The following MRPL24 variants were observed in gnomAD, a reference collection of about 807,000 sequenced individuals.
MRPL24 encodes mitochondrial ribosomal protein L24.
MRPL24 carries 15 observed loss-of-function variants against 26.9 expected under a neutral mutation model. The ratio of observed to expected loss-of-function variants is 0.56; its 90% CI spans 0.37 to 0.86. MRPL24 has a LOEUF of 0.86. MRPL24 is among the 40% of genes least tolerant of loss of function. The pLI is 0.00. For synonymous variants in MRPL24, 92 were observed against 102.4 expected, an observed-to-expected ratio of 0.90 and a Z score of 0.62; for missense variants, 241 against 281.4, an observed-to-expected ratio of 0.86 and a Z score of 1.03.
chr1:156,737,334 AAAAG>A lies in MRPL24; in HGVS notation c.*60_*63del. ...TAAAGTGCTCTTTATTGGCATCTGAAAAAGAAGTGCCTCAGCCTTCAAGGCTGGG... is the reference window on the plus strand; with the variant it reads ...TAAAGTGCTCTTTATTGGCATCTGAAAAGTGCCTCAGCCTTCAAGGCTGGG... On this transcript the variant is annotated 3_prime_UTR_variant, in exon 6 of 6. Coordinates refer to ENST00000361531, the MANE Select transcript of MRPL24 (RefSeq NM_145729.3). 3 of 1,478,554 alleles carry A rather than the reference AAAAG, an allele frequency of 2.0e-6. No individual in the cohort carries two copies. Among genetic ancestry groups the A allele is most frequent in the Non-Finnish European group, 2.7e-6 (3 of 1,106,948 alleles). 91.6% of individuals were successfully genotyped at this position (1,478,554 alleles called of 1,614,324 possible). A position where few individuals can be genotyped will look rare whatever the true frequency, so the allele number is the denominator to read the frequency against.
At position 156,738,122 on chromosome 1, in the gene MRPL24, T is replaced by A. The variant is rs531196644; in HGVS notation, c.292A>T (p.Ile98Phe). The A allele has an allele frequency of 7.4e-6, 12 of 1,614,138 alleles. No homozygotes were observed. In the South Asian group the frequency reaches 1.2e-4, roughly 16 times the overall value. The change falls in exon 4 of 6, where the codon ATT (isoleucine) becomes TTT (phenylalanine). Residue 98 changes from isoleucine (I) to phenylalanine (F), a missense_variant. Ile to Phe is a conservative substitution (Grantham distance 21). Transcript: ENST00000361531. The stretch of plus-strand genomic sequence containing the variant: ...CCCCGGTAATCCATGGTCTTGCCAA[T>A]GTAGCGGTAATGCTGTCCAAGAGAG... ...VGGLNTHYRY[I>F]GKTMDYRGTM...
In MRPL24 at chr1:156,737,780, G is replaced by A. The variant is rs188285935; in HGVS notation, c.384-4C>T. On this transcript the variant is annotated splice_polypyrimidine_tract_variant and splice_region_variant and intron_variant, in intron 4 of 5. Coordinates refer to ENST00000361531, the MANE Select transcript of MRPL24 (RefSeq NM_145729.3). ...CCACTCGATCTCAGTGGGTTTCCTG[G>A]TGGATAGAAGAGGTGAGCCTGGCCT... is the stretch of plus-strand genomic sequence containing the variant. 14 of 1,614,062 alleles carry A rather than the reference G, an allele frequency of 8.7e-6. No homozygotes were observed. The African/African-American group carries it at 1.3e-4, about 15-fold the overall frequency.
rs1649918211 is a variant in MRPL24 at position 156,737,665 on chromosome 1, G to A, written c.495C>T (p.Ile165=). The change falls in exon 5 of 6, where the codon ATC becomes ATT. Residue 165 remains isoleucine (I), a synonymous_variant. Coordinates refer to ENST00000361531, the MANE Select transcript of MRPL24 (RefSeq NM_145729.3). ...TCTCACCAATCCACGTTTCAGGGACGATGCCATCAGCTCTGGGAAATTCGG... is the reference window on the plus strand; with the variant it reads ...TCTCACCAATCCACGTTTCAGGGACAATGCCATCAGCTCTGGGAAATTCGG... The part of the protein sequence containing the change: ...PKPEFPRADG[I]VPETWIDGPK... The A allele has an allele frequency of 5.0e-6, 8 of 1,614,136 alleles. No homozygotes were observed. The highest frequency in any genetic ancestry group is 2.2e-5 in the South Asian group (2 of 91,078).
upstream of MRPL24, among the ~76,000 whole-genome samples, chr1:156,741,874 A>T (rs955902631): frequency 9.2e-5 from 14 of 151,930 alleles, no homozygotes; most frequent in African/African-American, 3.1e-4. Flanking sequence ...ACCCTTTTTT[A>T]AAAAAAACTT....
At chr1:156,742,232 G>A (rs1360598124), upstream of MRPL24, 1 of 152,662 alleles carries the variant, frequency 6.6e-6, no homozygotes, top group Non-Finnish European at 1.5e-5. Context: ...GGGTAAAAGA[G>A]ACGAGACTGT....
At position 156,738,723 on chromosome 1, in the gene MRPL24, A is replaced by G. The variant is rs1388532986; in HGVS notation, c.-19T>C. 1.9e-6 allele frequency: 3 copies of G among 1,563,302 alleles called. No homozygotes were observed. In the Admixed American group the frequency reaches 6.5e-5, roughly 34 times the overall value. ...GACGCATGCCTGGAGGTTGTAAGAA[A>G]TCCCTTTGCCAGCAAAACGCTCGAA... On this transcript the variant is annotated 5_prime_UTR_variant, in exon 2 of 6. Coordinates refer to ENST00000361531, the MANE Select transcript of MRPL24 (RefSeq NM_145729.3).
rs745441371 is a variant in MRPL24, at chr1:156,738,642, A to G, written c.63T>C (p.Tyr21=). 3.1e-6 allele frequency: 5 copies of G among 1,607,964 alleles called. No individual in the cohort carries two copies. Among genetic ancestry groups the G allele is most frequent in the African/African-American group, 1.3e-5 (1 of 74,506 alleles). ...SKVTLPPHYR[Y]GMSPPGSVAD... ...CAACAGAGCCTGGGGGGCTCATCCC[A>G]TAGCGGTAATGGGGGGGCAGAGTGA... The change falls in exon 2 of 6, where the codon TAT becomes TAC. Residue 21 remains tyrosine (Y), a synonymous_variant. Transcript: ENST00000361531.
Position 156,737,643 on chromosome 1 carries a change from C to CA in MRPL24, c.514+2dup. 1.2e-6 allele frequency: 2 copies of CA among 1,614,170 alleles called. No individual in the cohort carries two copies. Among genetic ancestry groups the CA allele is most frequent in the Non-Finnish European group, 1.7e-6 (2 of 1,180,006 alleles). On this transcript the variant is annotated splice_region_variant and intron_variant, in intron 5 of 5. Coordinates refer to ENST00000361531, the MANE Select transcript of MRPL24 (RefSeq NM_145729.3). ...CCCTGACCTTCCTGCCCCTCACTCTCACCAATCCACGTTTCAGGGACGATG... is the reference window on the plus strand; with the variant it reads ...CCCTGACCTTCCTGCCCCTCACTCTCAACCAATCCACGTTTCAGGGACGATG...
intron 1 of MRPL24, among the ~76,000 whole-genome samples, chr1:156,740,736 C>T (rs1488801640): frequency 6.6e-6 from 1 of 152,164 alleles, no homozygotes; most frequent in African/African-American, 2.4e-5. Flanking sequence ...CCCCCGAGAT[C>T]CTTCCCTTCT....
rs371287956 is a variant in MRPL24, at chr1:156,738,716, G to T, written c.-12C>A. Reference sequence around the variant, plus strand: ...GCAGAAAGACGCATGCCTGGAGGTTGTAAGAAATCCCTTTGCCAGCAAAAC... The same window carrying T: ...GCAGAAAGACGCATGCCTGGAGGTTTTAAGAAATCCCTTTGCCAGCAAAAC... On this transcript the variant is annotated 5_prime_UTR_variant, in exon 2 of 6. Coordinates refer to ENST00000361531, the MANE Select transcript of MRPL24 (RefSeq NM_145729.3). 3.2e-6 allele frequency: 5 copies of T among 1,567,494 alleles called. No homozygotes were observed. In the African/African-American group the frequency reaches 6.9e-5, roughly 22 times the overall value.
chr1:156,738,233 G>C (rs1649950698), intron 3 of MRPL24, 99 bp from the exon 4 acceptor site: 1 of 1,526,382 alleles, frequency 6.6e-7, no homozygotes, highest in Non-Finnish European at 9.1e-7. Context: ...AGAAGGTTCA[G>C]TAATGCCGCC....
At chr1:156,737,824 C>T in intron 4 of MRPL24, 48 bp from the exon 5 acceptor site, 5 of 1,605,618 alleles carry the variant, frequency 3.1e-6, no homozygotes, top group South Asian at 1.1e-5. Context: ...GGCTTCCTGC[C>T]ACCCTCCAAC....
chr1:156,738,564 T>A lies in MRPL24; in HGVS notation c.141A>T (p.Glu47Asp), dbSNP rs775066915. ...PWIRRRPVVV[E>D]PISDEDWYLF... Reference sequence around the variant, plus strand: ...GATACCAGTCTTCATCAGAGATGGGTTCCACAACCACTGGGCGCCGCCTGA... The same window carrying A: ...GATACCAGTCTTCATCAGAGATGGGATCCACAACCACTGGGCGCCGCCTGA... The change falls in exon 2 of 6, where the codon GAA becomes GAT. Residue 47 changes from glutamate to aspartate, a missense_variant. Coordinates refer to ENST00000361531, the MANE Select transcript of MRPL24 (RefSeq NM_145729.3). 7 of 1,614,008 alleles carry A rather than the reference T, an allele frequency of 4.3e-6. No homozygotes were observed. The highest frequency in any genetic ancestry group is 5.9e-6 in the Non-Finnish European group (7 of 1,179,990).
In MRPL24 at chr1:156,738,415, A is replaced by G; in HGVS notation, c.207T>C (p.Asp69=). The change falls in exon 3 of 6, where the codon GAT becomes GAC. Residue 69 remains aspartate (D), a synonymous_variant. Coordinates refer to ENST00000361531, the MANE Select transcript of MRPL24 (RefSeq NM_145729.3). The stretch of plus-strand genomic sequence containing the variant: ...GAACCACTTTGCCCTGCTTCCCGGC[A>G]TCCTTGCCTTCTAGGATCTCCACCT... The part of the protein sequence containing the change: ...GDTVEILEGK[D]AGKQGKVVQV... The G allele has an allele frequency of 6.2e-7, 1 of 1,613,994 alleles. No homozygotes were observed. The highest frequency in any genetic ancestry group is 8.5e-7 in the Non-Finnish European group (1 of 1,179,918).
chr1:156,740,715 C>A (rs534623109), intron 1 of MRPL24, among the ~76,000 whole-genome samples: 2 of 152,288 alleles, frequency 1.3e-5, no homozygotes, highest in Non-Finnish European at 2.9e-5. Context: ...CAGCCCAGAG[C>A]AGCTTGCATG....
intron 3 of MRPL24, 88 bp from the exon 4 acceptor site, chr1:156,738,222 T>C (rs1649950444): frequency 6.5e-7 from 1 of 1,545,622 alleles, no homozygotes; most frequent in Non-Finnish European, 8.9e-7. Context: ...AGTTGAAAAG[T>C]AGAAGGTTCA....
At position 156,737,442 on chromosome 1, in the gene MRPL24, C is replaced by T. The variant is rs1375958625; in HGVS notation, c.607G>A (p.Gly203Arg). The change falls in exon 6 of 6, where the codon GGG becomes AGG. Residue 203 changes from glycine to arginine, a missense_variant. Transcript: ENST00000361531. ...TLQEEVMEAM[G>R]IKETRKYKKV... is the part of the protein sequence containing the mutation. ...TTGTATTTCCGGGTCTCCTTGATCC[C>T]CATGGCCTCCATCACCTCCTCCTGC... is the stretch of plus-strand genomic sequence containing the variant. 1.2e-6 allele frequency: 2 copies of T among 1,611,110 alleles called. No homozygotes were observed. Among genetic ancestry groups the T allele is most frequent in the African/African-American group, 1.3e-5 (1 of 74,740 alleles).
chr1:156,738,061 C>G lies in MRPL24; in HGVS notation c.353G>C (p.Arg118Pro), dbSNP rs372869047. 1 of 1,614,002 alleles carries G rather than the reference C, an allele frequency of 6.2e-7. No homozygotes were observed. Among genetic ancestry groups the G allele is most frequent in the African/African-American group, 1.3e-5 (1 of 74,894 alleles). Residue 118 changes from arginine (R) to proline (P), a missense_variant, in exon 4 of 6, where the codon CGC becomes CCC. Arg to Pro is a moderately radical substitution (Grantham distance 103). Coordinates refer to ENST00000361531, the MANE Select transcript of MRPL24 (RefSeq NM_145729.3). ...MIPSEAPLLH[R>P]QVKLVDPMDR... is the part of the protein sequence containing the mutation. ...CATAGGATCCACAAGTTTGACCTGG[C>G]GGTGGAGCAAGGGGGCTTCACTAGG...
In MRPL24 at chr1:156,738,524, T is replaced by A. The variant is rs756621950; in HGVS notation, c.181A>T (p.Thr61Ser). ...DEDWYLFCGD[T>S]VEILEGKDAG... ...TACCCCCTGTATGAGGCTCTCACCG[T>A]GTCCCCACAGAACAGATACCAGTCT... Residue 61 changes from threonine (T) to serine (S), a missense_variant and splice_region_variant, in exon 2 of 6, where the codon ACG (threonine) becomes TCG (serine). Physicochemically the swap from Thr to Ser is moderately conservative, Grantham distance 58. Transcript: ENST00000361531. 9 of 1,613,996 alleles carry A rather than the reference T, an allele frequency of 5.6e-6. No homozygotes were observed. The South Asian group carries it at 8.8e-5, about 16-fold the overall frequency.
Sources: gnomAD v4.1 joint callset for allele counts (sites outside exome capture counted in the v4.1 genomes callset) on GRCh38, gnomAD v4.1.1 for gene constraint, MANE v1.5 for transcripts, NCBI Gene and HGNC (gene_info 2026-07-23, HGNC 2026-07-21) for gene names.